The following NDUFAF6 variants were observed in gnomAD, a reference collection of about 807,000 sequenced individuals.
NDUFAF6 encodes NADH dehydrogenase (ubiquinone) complex I, assembly factor 6.
In NDUFAF6, 45 loss-of-function variants were observed where a neutral mutation model predicts 40.8. The ratio of observed to expected loss-of-function variants is 1.10; its 90% CI spans 0.87 to 1.42. The LOEUF (loss-of-function observed/expected upper bound fraction) is 1.42, where lower values mean the gene tolerates loss of function less well. Ranked by LOEUF, NDUFAF6 falls within the 40% of genes most tolerant of loss-of-function variation. NDUFAF6 has a pLI of 0.00. For missense variants in NDUFAF6, 435 were observed against 418.5 expected, an observed-to-expected ratio of 1.04 and a Z score of -0.34; for synonymous variants, 185 against 155.9, an observed-to-expected ratio of 1.19 and a Z score of -1.39.
intron 1 of NDUFAF6, among the ~76,000 whole-genome samples, chr8:94,942,648 G>A (rs1381143492): frequency 6.6e-6 from 1 of 152,228 alleles, no homozygotes. Flanking sequence ...GGAGATGGCT[G>A]TGAACAGGGC....
chr8:95,000,478 G>A (rs929814014), intron 2 of NDUFAF6, among the ~76,000 whole-genome samples: 2 of 152,096 alleles, frequency 1.3e-5, no homozygotes, highest in Middle Eastern at 3.4e-3. Context: ...ACCAAAAATC[G>A]GTGTCCTGAA....
At chr8:94,910,298 A>G (rs530457449) in intron 1 of NDUFAF6, among the ~76,000 whole-genome samples, 4 of 152,096 alleles carry the variant, frequency 2.6e-5, no homozygotes, top group African/African-American at 7.2e-5. Context: ...GATTACAGGC[A>G]TGTGCCACCA....
intron 2 of NDUFAF6, chr8:95,033,982 A>G (rs1829176137): frequency 2.2e-6 from 1 of 457,746 alleles, no homozygotes; most frequent in Non-Finnish European, 4.4e-6. Context: ...GCAGAGAGAC[A>G]TCACCTCTTG....
At chr8:94,959,302 A>G (rs1354813047) in intron 1 of NDUFAF6, among the ~76,000 whole-genome samples, 2 of 152,204 alleles carry the variant, frequency 1.3e-5, no homozygotes, top group African/African-American at 2.4e-5. Context: ...GAGGAAACAC[A>G]TTCACATATC....
intron 2 of NDUFAF6, among the ~76,000 whole-genome samples, chr8:95,019,739 G>A (rs1406970798): frequency 6.6e-6 from 1 of 152,136 alleles, no homozygotes; most frequent in African/African-American, 2.4e-5. Flanking sequence ...TTTAGCAAAT[G>A]AAAAATATGC....
chr8:94,947,804 A>T (rs1159810661), intron 2 of NDUFAF6, among the ~76,000 whole-genome samples: 1 of 152,256 alleles, frequency 6.6e-6, no homozygotes, highest in Non-Finnish European at 1.5e-5. Flanking sequence ...AAAAGATAGG[A>T]TGAGAAAACA....
chr8:94,972,813 T>A (rs1389623658), intron 1 of NDUFAF6, among the ~76,000 whole-genome samples: 1 of 151,396 alleles, frequency 6.6e-6, no homozygotes, highest in African/African-American at 2.4e-5. Flanking sequence ...GGTGGGAGGC[T>A]TGCTTAAGCC....
At chr8:95,072,269 C>A (rs978237960) in intron 9 of NDUFAF6, among the ~76,000 whole-genome samples, 3 of 152,174 alleles carry the variant, frequency 2.0e-5, no homozygotes, top group Non-Finnish European at 1.5e-5. Flanking sequence ...CATGCCAGAA[C>A]CCTCCCTGTC....
chr8:94,934,695 G>A (rs1157849425), intron 1 of NDUFAF6, among the ~76,000 whole-genome samples: 1 of 152,026 alleles, frequency 6.6e-6, no homozygotes, highest in Non-Finnish European at 1.5e-5. Context: ...ATAAATTCTT[G>A]AGTGGCATTC....
downstream of NDUFAF6, among the ~76,000 whole-genome samples, chr8:95,107,777 A>G (rs762973620): frequency 4.6e-5 from 7 of 152,252 alleles, no homozygotes; most frequent in Non-Finnish European, 8.8e-5. Flanking sequence ...CATCAAGGAC[A>G]TATGTAAGGC....
intron 2 of NDUFAF6, among the ~76,000 whole-genome samples, chr8:95,094,124 C>T (rs1563865401): frequency 6.6e-6 from 1 of 152,124 alleles, no homozygotes; most frequent in South Asian, 2.1e-4. Context: ...GCATGCACCA[C>T]CACGCTTGGC....
At chr8:95,089,671 A>G (rs1809185760) in intron 2 of NDUFAF6, among the ~76,000 whole-genome samples, 1 of 152,078 alleles carries the variant, frequency 6.6e-6, no homozygotes, top group Non-Finnish European at 1.5e-5. Context: ...ATATGCCACA[A>G]TTGGCAATGG....
chr8:94,987,311 A>G (rs1369900548), intron 2 of NDUFAF6, among the ~76,000 whole-genome samples: 2 of 152,192 alleles, frequency 1.3e-5, no homozygotes, highest in Non-Finnish European at 2.9e-5. Flanking sequence ...TCCAAAGCAG[A>G]GGGGCAGTTC....
downstream of NDUFAF6, among the ~76,000 whole-genome samples, chr8:95,076,787 T>G (rs1406842470): frequency 6.6e-6 from 1 of 150,852 alleles, no homozygotes; most frequent in Non-Finnish European, 1.5e-5. Context: ...GCAGGAGAAT[T>G]GCTTGAACCC....
chr8:94,995,000 G>T lies in NDUFAF6; in HGVS notation c.-84+14027G>T, dbSNP rs867805249. Among the ~76,000 whole-genome samples, 5 of 152,302 alleles carry T rather than the reference G, an allele frequency of 3.3e-5. No individual in the cohort carries two copies. In the South Asian group the frequency reaches 1.0e-3, roughly 32 times the overall value. On this transcript the variant is annotated intron_variant, in intron 2 of 9. Coordinates refer to the NDUFAF6 transcript ENST00000396111. ...CCACTTCTGGGTATATATCCAAAGGGATTCAAAGCAGGATCTCAAAGAGAT... is the reference window on the plus strand; with the variant it reads ...CCACTTCTGGGTATATATCCAAAGGTATTCAAAGCAGGATCTCAAAGAGAT...
rs1832459664 is a variant in NDUFAF6 at position 95,058,531 on chromosome 8, G to C, written c.*594G>C. 6 of 1,223,528 alleles carry C rather than the reference G, an allele frequency of 4.9e-6. No homozygotes were observed. The highest frequency in any genetic ancestry group is 6.1e-6 in the Non-Finnish European group (6 of 983,428). 75.8% of individuals were successfully genotyped at this position (1,223,528 alleles called of 1,614,324 possible). A position where few individuals can be genotyped will look rare whatever the true frequency, so the allele number is the denominator to read the frequency against. On this transcript the variant is annotated 3_prime_UTR_variant, in exon 9 of 9. Coordinates refer to ENST00000396124, the MANE Select transcript of NDUFAF6 (RefSeq NM_152416.4). The stretch of plus-strand genomic sequence containing the variant: ...AAGGTTGGAGTGGCTGGCAAGAGCA[G>C]AGCCTTAATTTGACTTTAGCTCTGG...
intron 2 of NDUFAF6, among the ~76,000 whole-genome samples, chr8:94,946,571 C>T (rs927222922): frequency 6.6e-6 from 1 of 151,582 alleles, no homozygotes; most frequent in African/African-American, 2.4e-5. Flanking sequence ...GTGGTATGTG[C>T]ATGTAGTCCC....
intron 2 of NDUFAF6, among the ~76,000 whole-genome samples, chr8:95,002,771 A>T (rs1268021304): frequency 6.6e-6 from 1 of 152,160 alleles, no homozygotes; most frequent in African/African-American, 2.4e-5. Flanking sequence ...ATTTGTCGAG[A>T]CCCTGCTGGC....
intron 8 of NDUFAF6, among the ~76,000 whole-genome samples, chr8:95,056,837 C>T (rs183066503): frequency 5.7e-4 from 85 of 149,176 alleles, no homozygotes; most frequent in African/African-American, 1.8e-3. Context: ...ACCCAGGAGG[C>T]GGAGGTTGCA....
Sources: gnomAD v4.1 joint callset for allele counts (sites outside exome capture counted in the v4.1 genomes callset) on GRCh38, gnomAD v4.1.1 for gene constraint, MANE v1.5 for transcripts, NCBI Gene and HGNC (gene_info 2026-07-23, HGNC 2026-07-21) for gene names.